Variants in PHC3 observed in about 807,000 individuals in gnomAD.
PHC3 encodes polyhomeotic-like protein 3.
Under a neutral mutation model 107.4 loss-of-function variants are expected in PHC3, and 13 were observed. The observed-to-expected ratio is 0.12, with a 90% CI of 0.08 to 0.19. The LOEUF is 0.19. PHC3 is among the 10% of genes least tolerant of loss of function. PHC3 has a pLI of 1.00. For missense variants in PHC3, 992 were observed against 1,210.9 expected (o/e 0.82, Z 2.68); for synonymous variants, 456 against 427.4 (o/e 1.07, Z -0.83).
intron 14 of PHC3, among the ~76,000 whole-genome samples, chr3:170,101,002 T>C (rs1016411067): frequency 6.6e-6 from 1 of 152,180 alleles, no homozygotes; most frequent in African/African-American, 2.4e-5. Flanking sequence ...GGTATCCACA[T>C]AGACTCCAAA....
chr3:170,147,061 G>T (rs1725093988), intron 5 of PHC3, among the ~76,000 whole-genome samples: 1 of 150,908 alleles, frequency 6.6e-6, no homozygotes, highest in Non-Finnish European at 1.5e-5. Flanking sequence ...ATAGAGACAG[G>T]GTTTCTCCAT....
intron 4 of PHC3, among the ~76,000 whole-genome samples, chr3:170,166,242 C>G (rs745921597): frequency 1.3e-5 from 2 of 152,002 alleles, no homozygotes; most frequent in Non-Finnish European, 1.5e-5. Context: ...TGGGGTTTCA[C>G]CATGTTGGCC....
At chr3:170,162,893 TC>T (rs1456791368) in intron 4 of PHC3, among the ~76,000 whole-genome samples, 3 of 152,180 alleles carry the variant, frequency 2.0e-5, no homozygotes, top group Non-Finnish European at 4.4e-5. Flanking sequence ...ATGTCTGCCC[TC>T]CTCACCATTC....
Position 170,123,014 on chromosome 3 carries a change from A to AT in PHC3, c.1789-271dup, listed in dbSNP as rs1720639335. On this transcript the variant is annotated intron_variant, in intron 8 of 14. Transcript: ENST00000495893. ...AAAGATGGTAGTCAAGTCTGAAAATATTTTTTATTTCGATAATTAAAAAAT... is the reference window on the plus strand; with the variant it reads ...AAAGATGGTAGTCAAGTCTGAAAATATTTTTTTATTTCGATAATTAAAAAAT... 2.0e-5 allele frequency among the ~76,000 whole-genome samples: 3 copies of AT among 152,164 alleles called. 1 individual carries two copies. The highest frequency in any genetic ancestry group is 4.4e-5 in the Non-Finnish European group (3 of 68,038).
At chr3:170,140,584 C>CTTTTTTTTTTTTTT (rs57137783) in intron 6 of PHC3, among the ~76,000 whole-genome samples, 7 of 69,614 alleles carry the variant, frequency 1.0e-4, no homozygotes, top group Non-Finnish European at 1.9e-4. Context: ...ATTTCTTTTT[C>CTTTTTTTTTTTTTT]TTTTTTTTTT....
intron 12 of PHC3, among the ~76,000 whole-genome samples, chr3:170,103,548 C>T (rs142265725): frequency 6.6e-6 from 1 of 152,162 alleles, no homozygotes; most frequent in Non-Finnish European, 1.5e-5. Context: ...TCACAATAGA[C>T]TGCCTAGTAT....
chr3:170,151,167 C>T (rs1441744907), intron 4 of PHC3, among the ~76,000 whole-genome samples: 3 of 152,064 alleles, frequency 2.0e-5, no homozygotes, highest in South Asian at 2.1e-4. Context: ...CCCAAGATCA[C>T]GCCACTACAC....
intron 11 of PHC3, among the ~76,000 whole-genome samples, chr3:170,110,600 CCTT>C (rs1250957444): frequency 1.3e-5 from 2 of 152,240 alleles, no homozygotes; most frequent in Non-Finnish European, 2.9e-5. Context: ...ATCTGTAGCT[CCTT>C]CGTTACCTTT....
chr3:170,163,426 C>T (rs1051465003), intron 4 of PHC3, among the ~76,000 whole-genome samples: 2 of 150,748 alleles, frequency 1.3e-5, no homozygotes, highest in Non-Finnish European at 2.9e-5. Flanking sequence ...CCACATAATC[C>T]TTTCCATCTG....
intron 3 of PHC3, among the ~76,000 whole-genome samples, chr3:170,172,015 T>C (rs1729668759): frequency 6.6e-6 from 1 of 152,184 alleles, no homozygotes; most frequent in Non-Finnish European, 1.5e-5. Flanking sequence ...AATCCTGTTA[T>C]CAGTAGGAAT....
chr3:170,091,755 T>C lies in PHC3; in HGVS notation c.*5475A>G, dbSNP rs1217138438. 2 of 149,666 alleles carry C rather than the reference T, an allele frequency of 1.3e-5. No individual in the cohort carries two copies. Among genetic ancestry groups the C allele is most frequent in the African/African-American group, 4.9e-5 (2 of 41,128 alleles). 9.3% of individuals were successfully genotyped at this position (149,666 alleles called of 1,614,324 possible). ...GATGGTAATAATTATATTTGTATTA[T>C]TTGTATTAATGCTTTACAACTTTCA... On this transcript the variant is annotated 3_prime_UTR_variant, in exon 15 of 15. Coordinates refer to ENST00000495893, the MANE Select transcript of PHC3 (RefSeq NM_024947.4).
chr3:170,158,541 T>G (rs1727271971), intron 4 of PHC3, among the ~76,000 whole-genome samples: 2 of 151,472 alleles, frequency 1.3e-5, no homozygotes, highest in African/African-American at 4.9e-5. Flanking sequence ...TGGCAGAGGT[T>G]GCAGTGAGCC....
In PHC3 at chr3:170,171,493, A is replaced by G. The variant is rs1185671945; in HGVS notation, c.337-43T>C. 1.1e-5 allele frequency: 15 copies of G among 1,394,596 alleles called. No homozygotes were observed. The South Asian group carries it at 1.8e-4, about 16-fold the overall frequency. The allele number at this position is 1,394,596 out of a possible 1,614,324, so 86.4% of individuals were successfully genotyped here. A position where few individuals can be genotyped will look rare whatever the true frequency, so the allele number is the denominator to read the frequency against. On this transcript the variant is annotated intron_variant, in intron 3 of 14. Transcript: ENST00000495893. ...TTAGAATATGTCGGTAAAAACCTGAAGTTAAGAACTTTCTGGTACCATGAT... is the reference window on the plus strand; with the variant it reads ...TTAGAATATGTCGGTAAAAACCTGAGGTTAAGAACTTTCTGGTACCATGAT...
At chr3:170,105,276 CAAGTT>C (rs1286228525) in intron 12 of PHC3, among the ~76,000 whole-genome samples, 7 of 152,094 alleles carry the variant, frequency 4.6e-5, no homozygotes, top group Admixed American at 3.9e-4. Context: ...CTAGAAAACT[CAAGTT>C]AAAACATGAG....
chr3:170,135,534 ATAGT>A (rs1366355535), intron 7 of PHC3, among the ~76,000 whole-genome samples: 3 of 151,996 alleles, frequency 2.0e-5, no homozygotes, highest in Non-Finnish European at 4.4e-5. Context: ...CAAACAATAT[ATAGT>A]TATAGTGATT....
chr3:170,152,964 AC>A (rs1726270238), intron 4 of PHC3, among the ~76,000 whole-genome samples: 1 of 152,058 alleles, frequency 6.6e-6, no homozygotes, highest in Non-Finnish European at 1.5e-5. Context: ...ACCAGACCAC[AC>A]TTTTCTTCTT....
rs370530418 is a variant in PHC3 at position 170,149,258 on chromosome 3, C to T, written c.415-14G>A. 20 of 1,599,066 alleles carry T rather than the reference C, an allele frequency of 1.3e-5. No individual in the cohort carries two copies. Among genetic ancestry groups the T allele is most frequent in the African/African-American group, 2.7e-5 (2 of 74,552 alleles). On this transcript the variant is annotated splice_polypyrimidine_tract_variant and intron_variant, in intron 4 of 14. Coordinates refer to ENST00000495893, the MANE Select transcript of PHC3 (RefSeq NM_024947.4). ...GGAGAGGTTGATCTAAGGAAGAAAA[C>T]ATATTAGGTCATAGGCTTCCATTTC...
intron 7 of PHC3, among the ~76,000 whole-genome samples, chr3:170,135,549 T>C (rs944959051): frequency 6.6e-6 from 1 of 152,018 alleles, no homozygotes; most frequent in Admixed American, 6.6e-5. Flanking sequence ...TATAGTGATT[T>C]AGAAAACTAT....
chr3:170,099,459 T>G (rs1715112780), intron 14 of PHC3, among the ~76,000 whole-genome samples: 1 of 152,138 alleles, frequency 6.6e-6, no homozygotes, highest in Non-Finnish European at 1.5e-5. Flanking sequence ...AAAAACAATT[T>G]TAAGTGCTCA....
Sources: gnomAD v4.1 joint callset for allele counts (sites outside exome capture counted in the v4.1 genomes callset) on GRCh38, gnomAD v4.1.1 for gene constraint, MANE v1.5 for transcripts, NCBI Gene and HGNC (gene_info 2026-07-23, HGNC 2026-07-21) for gene names.